The following NPAS3 variants were observed in gnomAD, a reference collection of about 807,000 sequenced individuals.
NPAS3 encodes the protein neuronal PAS domain-containing protein 3.
Under a neutral mutation model 73.1 loss-of-function variants are expected in NPAS3, and 14 were observed. The ratio of observed to expected loss-of-function variants is 0.19; its 90% CI spans 0.13 to 0.30. NPAS3 has a LOEUF of 0.30. Ranked by LOEUF, NPAS3 falls within the 10% of genes least tolerant of loss-of-function variation. The pLI is 1.00. For missense variants in NPAS3, 1,096 were observed against 1,250.0 expected, an observed-to-expected ratio of 0.88 and a Z score of 1.86; for synonymous variants, 620 against 541.5, an observed-to-expected ratio of 1.14 and a Z score of -2.01.
chr14:33,650,113 A>G (rs531033389), intron 5 of NPAS3, among the ~76,000 whole-genome samples: 16 of 152,310 alleles, frequency 1.1e-4, no homozygotes, highest in Admixed American at 5.9e-4. Context: ...CTGATTCTGC[A>G]TTTTGTACAG....
intron 2 of NPAS3, among the ~76,000 whole-genome samples, chr14:33,138,176 G>A (rs978876441): frequency 6.6e-6 from 1 of 151,276 alleles, no homozygotes; most frequent in Non-Finnish European, 1.5e-5. Flanking sequence ...TTAACATTAG[G>A]TATATCTCCA....
chr14:33,177,903 C>A (rs1233455895), intron 2 of NPAS3, among the ~76,000 whole-genome samples: 1 of 152,014 alleles, frequency 6.6e-6, no homozygotes, highest in East Asian at 1.9e-4. Flanking sequence ...GATGATTGTA[C>A]CTTTGGTGTA....
At chr14:33,729,284 G>A (rs1463270638) in intron 6 of NPAS3, among the ~76,000 whole-genome samples, 4 of 152,068 alleles carry the variant, frequency 2.6e-5, no homozygotes, top group African/African-American at 9.7e-5. Context: ...TGGACACGCT[G>A]GGCCACATAG....
intron 5 of NPAS3, among the ~76,000 whole-genome samples, chr14:33,588,847 C>A (rs150298036): frequency 7.2e-4 from 109 of 152,254 alleles, no homozygotes; most frequent in African/African-American, 2.4e-3. Flanking sequence ...GAACTCCTGA[C>A]CTTAAGTGAT....
chr14:33,649,547 A>G (rs762990194), intron 5 of NPAS3, among the ~76,000 whole-genome samples: 11 of 152,192 alleles, frequency 7.2e-5, no homozygotes, highest in Non-Finnish European at 8.8e-5. Flanking sequence ...TTTATCATAG[A>G]TTGTTTTATA....
intron 4 of NPAS3, among the ~76,000 whole-genome samples, chr14:33,372,452 G>T (rs2046132560): frequency 6.6e-6 from 1 of 152,022 alleles, no homozygotes; most frequent in Non-Finnish European, 1.5e-5. Context: ...AAACTTAATG[G>T]TGATTTTATC....
rs541336972 is a variant in NPAS3 at position 33,763,360 on chromosome 14, A to G, written c.853-10977A>G. 2.6e-5 allele frequency among the ~76,000 whole-genome samples: 4 copies of G among 152,384 alleles called. No individual in the cohort carries two copies. In the South Asian group the frequency reaches 6.2e-4, roughly 24 times the overall value. On this transcript the variant is annotated intron_variant, in intron 7 of 11. Coordinates refer to ENST00000356141, the Ensembl canonical transcript of NPAS3. ...GAGTTCAGAGGGTAGCTTAAGAAAC[A>G]TGGAAGAAAATGTCCTGTGCTAATT...
chr14:33,122,134 C>T (rs1479496960), intron 2 of NPAS3, among the ~76,000 whole-genome samples: 1 of 151,858 alleles, frequency 6.6e-6, no homozygotes, highest in Non-Finnish European at 1.5e-5. Context: ...TGTAGATGTT[C>T]ACTTAGAAAC....
At chr14:33,296,383 C>T (rs931654075) in intron 3 of NPAS3, among the ~76,000 whole-genome samples, 10 of 152,174 alleles carry the variant, frequency 6.6e-5, no homozygotes, top group African/African-American at 1.9e-4. Context: ...GTGAAAACTT[C>T]GCTTAAAAGG....
intron 2 of NPAS3, among the ~76,000 whole-genome samples, chr14:33,090,307 A>G (rs112069391): frequency 6.6e-6 from 1 of 152,158 alleles, no homozygotes; most frequent in Non-Finnish European, 1.5e-5. Context: ...AGGAAGATCT[A>G]CCAAGCAAAT....
chr14:33,115,907 T>G (rs959636259), intron 2 of NPAS3, among the ~76,000 whole-genome samples: 1 of 152,134 alleles, frequency 6.6e-6, no homozygotes, highest in Non-Finnish European at 1.5e-5. Flanking sequence ...AAGTCTATTT[T>G]ATAGACTTTA....
chr14:33,301,632 A>C (rs2042553061), intron 3 of NPAS3, among the ~76,000 whole-genome samples: 1 of 152,018 alleles, frequency 6.6e-6, no homozygotes, highest in Non-Finnish European at 1.5e-5. Flanking sequence ...GTTTCTGAAA[A>C]AGTGTATATG....
At chr14:33,171,077 C>T (rs1263859019) in intron 2 of NPAS3, among the ~76,000 whole-genome samples, 1 of 152,206 alleles carries the variant, frequency 6.6e-6, no homozygotes, top group African/African-American at 2.4e-5. Flanking sequence ...CAAAATGACT[C>T]CTTGACCTGC....
At chr14:33,148,083 G>GC (rs2044312958) in intron 2 of NPAS3, among the ~76,000 whole-genome samples, 2 of 152,022 alleles carry the variant, frequency 1.3e-5, no homozygotes, top group Non-Finnish European at 2.9e-5. Flanking sequence ...TCGTGCCCTT[G>GC]CTACCTTTCT....
At chr14:33,685,194 A>G (rs550987443) in intron 6 of NPAS3, among the ~76,000 whole-genome samples, 6 of 152,260 alleles carry the variant, frequency 3.9e-5, no homozygotes, top group South Asian at 4.2e-4. Context: ...TGACCATCAC[A>G]TGAGGGGGAC....
At chr14:33,560,085 A>G (rs766009534) in intron 4 of NPAS3, 36 bp from the exon 5 acceptor site, 26 of 768,490 alleles carry the variant, frequency 3.4e-5, no homozygotes, top group South Asian at 2.5e-4. Context: ...CTTTGTATTT[A>G]TTAATCTATT....
At chr14:33,707,503 C>T (rs1186667346) in intron 6 of NPAS3, among the ~76,000 whole-genome samples, 1 of 152,036 alleles carries the variant, frequency 6.6e-6, no homozygotes, top group Non-Finnish European at 1.5e-5. Context: ...CTGAGGAATA[C>T]CTGATTAGAG....
intron 6 of NPAS3, among the ~76,000 whole-genome samples, chr14:33,714,057 G>T (rs554205873): frequency 6.6e-6 from 1 of 151,994 alleles, no homozygotes; most frequent in South Asian, 2.1e-4. Context: ...TCTCAGTGAG[G>T]TCTTCTCTGG....
intron 6 of NPAS3, among the ~76,000 whole-genome samples, chr14:33,693,944 C>A (rs964089987): frequency 5.3e-5 from 8 of 152,120 alleles, no homozygotes; most frequent in African/African-American, 1.7e-4. Flanking sequence ...CTGCGTACCT[C>A]TGACTAACTT....
Sources: allele counts gnomAD v4.1 joint callset (sites outside exome capture counted in the v4.1 genomes callset), GRCh38; gene constraint gnomAD v4.1.1; transcripts MANE v1.5; gene names NCBI Gene and HGNC (gene_info 2026-07-23, HGNC 2026-07-21).